SLC5A11: variants seen among roughly 807,000 people sequenced by gnomAD.
SLC5A11 encodes sodium/myo-inositol cotransporter 2.
Under a neutral mutation model 69.8 loss-of-function variants are expected in SLC5A11, and 48 were observed. That is an observed-to-expected ratio of 0.69 (90% CI 0.55 to 0.87). The LOEUF (loss-of-function observed/expected upper bound fraction) is 0.87, where lower values mean the gene tolerates loss of function less well. Among genes scored for constraint, SLC5A11 ranks in the 40% least tolerant of loss-of-function variants. SLC5A11 has a pLI of 0.00. For synonymous variants in SLC5A11, 319 were observed against 342.4 expected, an observed-to-expected ratio of 0.93 and a Z score of 0.75; for missense variants, 784 against 866.1, an observed-to-expected ratio of 0.91 and a Z score of 1.19.
Position 24,872,238 on chromosome 16 carries a change from G to C in SLC5A11, c.372+19G>C. On this transcript the variant is annotated intron_variant, in intron 5 of 15. Transcript: ENST00000347898. ...TGGTCAGGTGAGTCGGGGGACATTG[G>C]GATGCTGTAGAATTGAAAGATGCTT... 2.5e-6 allele frequency: 4 copies of C among 1,613,922 alleles called. No homozygotes were observed. The highest frequency in any genetic ancestry group is 3.4e-6 in the Non-Finnish European group (4 of 1,179,808).
chr16:24,852,508 C>T (rs1163514079), intron 1 of SLC5A11, among the ~76,000 whole-genome samples: 3 of 152,242 alleles, frequency 2.0e-5, no homozygotes, highest in South Asian at 2.1e-4. Context: ...CACAAGCTGC[C>T]GTGAATCCTC....
rs755516050 is a variant in SLC5A11, at chr16:24,910,348, C to T, written c.1693C>T (p.Gln565Ter). 2 of 1,614,090 alleles carry T rather than the reference C, an allele frequency of 1.2e-6. No homozygotes were observed. Among genetic ancestry groups the T allele is most frequent in the Admixed American group, 3.3e-5 (2 of 59,998 alleles). The change falls in exon 15 of 16, where the codon CAG (glutamine) becomes TAG (stop). Residue 565 changes from glutamine to a stop codon, truncating the protein, a stop_gained. Transcript: ENST00000347898. LOFTEE classifies it high-confidence loss of function. ...GTTTACTCGTCACGACCCCGTGGTCCAGAAGGAACAAGCACCACCAGCAGC... is the reference window on the plus strand; with the variant it reads ...GTTTACTCGTCACGACCCCGTGGTCTAGAAGGAACAAGCACCACCAGCAGC...
At chr16:24,897,925 C>G in intron 9 of SLC5A11, 49 bp from the exon 11 acceptor site, 1 of 1,601,416 alleles carries the variant, frequency 6.2e-7, no homozygotes. Flanking sequence ...GGGGACACAA[C>G]CAAACTATAT....
At chr16:24,888,479 T>C (rs1177537353) in intron 8 of SLC5A11, among the ~76,000 whole-genome samples, 2 of 44,620 alleles carry the variant, frequency 4.5e-5, no homozygotes, top group Middle Eastern at 0.01. Flanking sequence ...TATCTATTTC[T>C]TTTTTTTTTT....
chr16:24,883,964 TCCTGGCC>T, intron 7 of SLC5A11, 80 bp from the exon 9 acceptor site: 41 of 1,227,284 alleles, frequency 3.3e-5, no homozygotes, highest in Non-Finnish European at 4.7e-5. Flanking sequence ...TCCCATCGGG[TCCTGGCC>T]TTCCAGGTTC....
intron 5 of SLC5A11, among the ~76,000 whole-genome samples, chr16:24,875,210 T>C (rs1015850916): frequency 1.3e-5 from 2 of 152,166 alleles, no homozygotes; most frequent in African/African-American, 4.8e-5. Context: ...AGGCAGGGTC[T>C]CCCTGTCACT....
intron 10 of SLC5A11, among the ~76,000 whole-genome samples, chr16:24,905,638 GCGCACA>G (rs1250386691): frequency 4.8e-4 from 34 of 70,308 alleles, no homozygotes; most frequent in African/African-American, 1.1e-3. Flanking sequence ...ACGCGCGCGC[GCGCACA>G]CACACACACA....
intron 4 of SLC5A11, 114 bp downstream of exon 5, chr16:24,870,119 G>GTGAGCCACCGCGCCTGGC: frequency 1.4e-6 from 1 of 735,328 alleles, no homozygotes; most frequent in Non-Finnish European, 2.3e-6. Context: ...GGGGCCAGGC[G>GTGAGCCACCGCGCCTGGC]CGGTGGCTCA....
At chr16:24,862,226 G>T (rs2046615950) in intron 2 of SLC5A11, among the ~76,000 whole-genome samples, 1 of 152,192 alleles carries the variant, frequency 6.6e-6, no homozygotes, top group South Asian at 2.1e-4. Context: ...AGGATTAAAT[G>T]AGGTAATGCA....
intron 3 of SLC5A11, among the ~76,000 whole-genome samples, chr16:24,863,751 T>G (rs985520906): frequency 3.9e-5 from 6 of 152,120 alleles, no homozygotes; most frequent in Non-Finnish European, 1.5e-5. Flanking sequence ...AACAGCTGGG[T>G]CTCAGAAAAA....
At chr16:24,863,014 T>C (rs1293040933) in intron 3 of SLC5A11, among the ~76,000 whole-genome samples, 2 of 140,976 alleles carry the variant, frequency 1.4e-5, no homozygotes, top group East Asian at 3.9e-4. Flanking sequence ...ATGTAATATA[T>C]AGTTATATAA....
intron 1 of SLC5A11, among the ~76,000 whole-genome samples, chr16:24,853,155 T>A (rs56935614): frequency 1.2e-4 from 18 of 150,710 alleles, no homozygotes; most frequent in Non-Finnish European, 4.4e-5. Flanking sequence ...TGGTACACAG[T>A]TGGTGCCTAA....
At chr16:24,901,931 T>TAC (rs749172893) in intron 10 of SLC5A11, among the ~76,000 whole-genome samples, 7,761 of 137,846 alleles carry the variant, frequency 0.056, 619 homozygotes, top group African/African-American at 0.19. Context: ...GAAAAAAAAA[T>TAC]ACACACACAC....
At chr16:24,893,187 C>A (rs1477620202) in intron 9 of SLC5A11, among the ~76,000 whole-genome samples, 1 of 149,770 alleles carries the variant, frequency 6.7e-6, no homozygotes, top group East Asian at 2.0e-4. Context: ...ACTCAGGAGG[C>A]TGAGGCAAGA....
intron 2 of SLC5A11, among the ~76,000 whole-genome samples, chr16:24,859,885 C>T (rs902443615): frequency 6.6e-6 from 1 of 152,206 alleles, no homozygotes; most frequent in Non-Finnish European, 1.5e-5. Context: ...CGCAGTGGCT[C>T]ACGCTTGTAA....
intron 7 of SLC5A11, among the ~76,000 whole-genome samples, chr16:24,883,439 C>T (rs1439114515): frequency 2.0e-5 from 3 of 152,122 alleles, no homozygotes; most frequent in Non-Finnish European, 4.4e-5. Context: ...AGCACCACTT[C>T]CTATATCAGT....
At chr16:24,847,397 G>A (rs57845603) in intron 1 of SLC5A11, among the ~76,000 whole-genome samples, 1 of 143,802 alleles carries the variant, frequency 7.0e-6, no homozygotes, top group South Asian at 2.3e-4. Context: ...CTCTCTCTCT[G>A]TGTGTGTTTT....
chr16:24,862,658 A>G lies in SLC5A11; in HGVS notation c.193A>G (p.Met65Val), dbSNP rs544345215. ...AGGCTACTTCCTGGCTGGAGGGGAC[A>G]TGGTGTGGTGGCCAGTAAGTGGTCT... The change falls in exon 3 of 16, where the codon ATG becomes GTG. Residue 65 changes from methionine (M) to valine (V), a missense_variant. By Grantham distance (21) the Met-to-Val change is conservative. This residue lies in a region of SLC5A11 where 133 missense variants were observed against 107.4 expected (regional missense o/e 1.24). Transcript: ENST00000347898. The G allele has an allele frequency of 1.2e-5, 20 of 1,613,364 alleles. No individual in the cohort carries two copies. In the South Asian group the frequency reaches 1.9e-4, roughly 15 times the overall value.
chr16:24,881,833 G>A (rs190092059), intron 7 of SLC5A11, among the ~76,000 whole-genome samples: 10 of 126,540 alleles, frequency 7.9e-5, no homozygotes, highest in Non-Finnish European at 1.5e-4. Flanking sequence ...ACTGTGCTAA[G>A]CAGCAACCCT....
Sources: allele counts gnomAD v4.1 joint callset (sites outside exome capture counted in the v4.1 genomes callset), GRCh38; gene constraint gnomAD v4.1.1; regional missense constraint gnomAD v4.1.1; transcripts MANE v1.5; gene names NCBI Gene and HGNC (gene_info 2026-07-23, HGNC 2026-07-21).